The following ITGB3BP variants were observed in gnomAD, a reference collection of about 807,000 sequenced individuals.
ITGB3BP encodes the protein integrin subunit beta 3 binding protein, also known as centromere protein R.
In ITGB3BP, 27 loss-of-function variants were observed where a neutral mutation model predicts 29.1. That is an observed-to-expected ratio of 0.93 (90% CI 0.68 to 1.28). ITGB3BP has a LOEUF of 1.28. Ranked by LOEUF, ITGB3BP falls within the 50% of genes most tolerant of loss-of-function variation. The probability of loss-of-function intolerance (pLI) is 0.00; values close to 1 mark genes in which losing one functional copy is unlikely to be tolerated. For synonymous variants in ITGB3BP, 61 were observed against 61.4 expected (o/e 0.99, Z 0.03); for missense variants, 192 against 200.2 (o/e 0.96, Z 0.25).
intron 4 of ITGB3BP, among the ~76,000 whole-genome samples, chr1:63,473,830 T>G (rs1240892931): frequency 1.7e-5 from 1 of 59,484 alleles, no homozygotes; most frequent in African/African-American, 6.7e-5. Context: ...GGCCGCCCCG[T>G]CCGGGAGGTG....
chr1:63,517,443 A>C (rs1039472865), intron 1 of ITGB3BP, among the ~76,000 whole-genome samples: 1 of 151,828 alleles, frequency 6.6e-6, no homozygotes, highest in African/African-American at 2.4e-5. Flanking sequence ...ATTTATCTTC[A>C]TCTTTAATTT....
At chr1:63,502,449 T>C (rs1570285818) in intron 2 of ITGB3BP, among the ~76,000 whole-genome samples, 1 of 152,142 alleles carries the variant, frequency 6.6e-6, no homozygotes, top group South Asian at 2.1e-4. Context: ...AGAGGTTTAA[T>C]TGCACTTACA....
rs11451867 is a variant in ITGB3BP, at chr1:63,521,259, T to TAA, written c.5+1868_5+1869dup. Among the ~76,000 whole-genome samples the TAA allele has an allele frequency of 6.2e-3, 808 of 130,014 alleles. 11 individuals carry two copies. Among genetic ancestry groups the TAA allele is most frequent in the African/African-American group, 0.02 (727 of 36,160 alleles). The allele number at this position is 130,014 out of a possible 152,430, so 85.3% of individuals were successfully genotyped here. A position where few individuals can be genotyped will look rare whatever the true frequency, so the allele number is the denominator to read the frequency against. ...TTTATGACCTCACCAGTAACCACAT[T>TAA]AAAAAAAAAAAAAACACTTAATTTA... On this transcript the variant is annotated intron_variant, in intron 1 of 8. Coordinates refer to ENST00000271002, the MANE Select transcript of ITGB3BP (RefSeq NM_014288.5).
chr1:63,500,622 T>A (rs1183275749), intron 2 of ITGB3BP, among the ~76,000 whole-genome samples: 1 of 152,208 alleles, frequency 6.6e-6, no homozygotes, highest in Non-Finnish European at 1.5e-5. Flanking sequence ...TATTGAAAGA[T>A]AATAAGCGAG....
upstream of ITGB3BP, among the ~76,000 whole-genome samples, chr1:63,525,171 T>TA (rs577491471): frequency 2.8e-3 from 430 of 152,314 alleles, 1 homozygote; most frequent in Non-Finnish European, 4.5e-3. Context: ...TTGCTCCTCT[T>TA]AAAAACCTGA....
At chr1:63,441,690 G>A (rs1485956227) in intron 8 of ITGB3BP, among the ~76,000 whole-genome samples, 1 of 152,140 alleles carries the variant, frequency 6.6e-6, no homozygotes, top group African/African-American at 2.4e-5. Context: ...TTATTTACAT[G>A]CCTTTGTCTA....
chr1:63,521,741 C>G (rs935329997), intron 1 of ITGB3BP, among the ~76,000 whole-genome samples: 3 of 152,120 alleles, frequency 2.0e-5, no homozygotes, highest in Middle Eastern at 3.4e-3. Flanking sequence ...GTGATCACAG[C>G]ACTGCACTCC....
At chr1:63,502,992 A>C (rs1389132624) in intron 2 of ITGB3BP, among the ~76,000 whole-genome samples, 1 of 152,146 alleles carries the variant, frequency 6.6e-6, no homozygotes, top group Non-Finnish European at 1.5e-5. Flanking sequence ...ATGTGTCTTT[A>C]TAGCAGCATG....
intron 2 of ITGB3BP, among the ~76,000 whole-genome samples, 189 bp from the exon 3 acceptor site, chr1:63,490,407 A>G (rs1645621050): frequency 6.6e-6 from 1 of 152,152 alleles, no homozygotes; most frequent in Non-Finnish European, 1.5e-5. Flanking sequence ...TCAGGTCTCT[A>G]TAATAACTAG....
chr1:63,503,242 G>C (rs1186634706), intron 2 of ITGB3BP, among the ~76,000 whole-genome samples: 14 of 152,082 alleles, frequency 9.2e-5, no homozygotes, highest in Admixed American at 9.2e-4. Flanking sequence ...TTGTGGTTTT[G>C]ATTTGCATTT....
At chr1:63,482,291 A>G (rs929688477) in intron 3 of ITGB3BP, among the ~76,000 whole-genome samples, 22 of 151,192 alleles carry the variant, frequency 1.5e-4, no homozygotes, top group African/African-American at 5.3e-4. Flanking sequence ...AAAAAAAAAA[A>G]AAGATTAATG....
intron 2 of ITGB3BP, among the ~76,000 whole-genome samples, chr1:63,493,700 TTC>T (rs1645718728): frequency 1.3e-5 from 2 of 152,214 alleles, no homozygotes; most frequent in South Asian, 4.1e-4. Context: ...TTCCTTCAAT[TTC>T]TTTCACAAAT....
upstream of ITGB3BP, chr1:63,523,283 C>G (rs1365422055): frequency 9.9e-7 from 1 of 1,006,126 alleles, no homozygotes; most frequent in Non-Finnish European, 1.6e-6. Flanking sequence ...AAACATCCTC[C>G]CCGCGACGAA....
At chr1:63,480,493 C>G (rs1489186727) in intron 3 of ITGB3BP, among the ~76,000 whole-genome samples, 2 of 151,968 alleles carry the variant, frequency 1.3e-5, no homozygotes, top group Non-Finnish European at 2.9e-5. Context: ...TATGAATGAA[C>G]AAGCAAATGA....
At chr1:63,453,746 G>T (rs1644893436) in intron 7 of ITGB3BP, 172 bp downstream of exon 7, 1 of 494,832 alleles carries the variant, frequency 2.0e-6, no homozygotes, top group Non-Finnish European at 3.6e-6. Context: ...TCTGCTAAAT[G>T]CAATATAAAG....
At chr1:63,457,466 G>A (rs1000803417) in intron 4 of ITGB3BP, 1 of 151,994 alleles carries the variant, frequency 6.6e-6, no homozygotes, top group African/African-American at 2.4e-5. Context: ...ATAGCATTAT[G>A]GTTTGCATAC....
At chr1:63,508,853 A>C (rs905012234) in intron 1 of ITGB3BP, among the ~76,000 whole-genome samples, 4 of 149,992 alleles carry the variant, frequency 2.7e-5, no homozygotes, top group Non-Finnish European at 5.9e-5. Context: ...TTTAAACATC[A>C]GTCCTATATT....
At chr1:63,504,690 A>C (rs1237501777) in intron 2 of ITGB3BP, among the ~76,000 whole-genome samples, 1 of 152,200 alleles carries the variant, frequency 6.6e-6, no homozygotes, top group Non-Finnish European at 1.5e-5. Context: ...CGTCCCATCG[A>C]TACCTAATTT....
chr1:63,440,974 A>C lies in ITGB3BP; in HGVS notation c.*131T>G, dbSNP rs1031354809. On this transcript the variant is annotated 3_prime_UTR_variant, in exon 9 of 9. Transcript: ENST00000271002. Reference sequence around the variant, plus strand: ...TAGCTGCAAGAAATTTTATCTAGACATGCACCTGCCAACTGCTACGAGCTG... The same window carrying C: ...TAGCTGCAAGAAATTTTATCTAGACCTGCACCTGCCAACTGCTACGAGCTG... 4 of 152,658 alleles carry C rather than the reference A, an allele frequency of 2.6e-5. No individual in the cohort carries two copies. The highest frequency in any genetic ancestry group is 4.8e-5 in the African/African-American group (2 of 41,464). The allele number at this position is 152,658 out of a possible 1,614,324, so 9.5% of individuals were successfully genotyped here. A position where few individuals can be genotyped will look rare whatever the true frequency, so the allele number is the denominator to read the frequency against.
Sources: allele counts gnomAD v4.1 joint callset (sites outside exome capture counted in the v4.1 genomes callset), GRCh38; gene constraint gnomAD v4.1.1; transcripts MANE v1.5; gene names NCBI Gene and HGNC (gene_info 2026-07-23, HGNC 2026-07-21).